The following MAP2K5 variants were observed in gnomAD, a reference collection of about 807,000 sequenced individuals.
MAP2K5 encodes mitogen-activated protein kinase kinase 5, also known as dual specificity mitogen-activated protein kinase kinase 5.
In MAP2K5, 49 loss-of-function variants were observed where a neutral mutation model predicts 83.1. The ratio of observed to expected loss-of-function variants is 0.59; its 90% CI spans 0.47 to 0.75. MAP2K5 has a LOEUF of 0.75. MAP2K5 is among the 30% of genes least tolerant of loss of function. The pLI is 0.00. For missense variants in MAP2K5, 457 were observed against 557.5 expected (o/e 0.82, Z 1.82); for synonymous variants, 202 against 191.8 (o/e 1.05, Z -0.44).
intron 1 of MAP2K5, among the ~76,000 whole-genome samples, chr15:67,547,564 T>A (rs1298090272): frequency 1.3e-5 from 2 of 151,550 alleles, no homozygotes; most frequent in Admixed American, 1.3e-4. Context: ...CAGGTGATTC[T>A]CCTGCTTTAG....
intron 8 of MAP2K5, among the ~76,000 whole-genome samples, chr15:67,623,288 A>G (rs750612038): frequency 6.6e-6 from 1 of 152,214 alleles, no homozygotes; most frequent in Non-Finnish European, 1.5e-5. Flanking sequence ...GAATAAACTT[A>G]TAGTAGTGGG....
chr15:67,711,401 A>C (rs2088689016), intron 16 of MAP2K5, among the ~76,000 whole-genome samples: 1 of 152,266 alleles, frequency 6.6e-6, no homozygotes. Context: ...AGCCTAAGCT[A>C]TAGAACCTTC....
intron 1 of MAP2K5, among the ~76,000 whole-genome samples, chr15:67,545,041 C>T (rs945578448): frequency 1.3e-5 from 2 of 152,202 alleles, no homozygotes; most frequent in Admixed American, 6.5e-5. Context: ...TCTCTCTTCA[C>T]GGCCCCATAA....
At chr15:67,767,851 T>A (rs1240801863) in intron 19 of MAP2K5, among the ~76,000 whole-genome samples, 1 of 152,222 alleles carries the variant, frequency 6.6e-6, no homozygotes, top group East Asian at 1.9e-4. Flanking sequence ...GTGTAATCCT[T>A]TGAACTTGGC....
chr15:67,767,909 ACC>A (rs2090070965), intron 19 of MAP2K5, among the ~76,000 whole-genome samples: 1 of 151,784 alleles, frequency 6.6e-6, no homozygotes, highest in African/African-American at 2.4e-5. Context: ...TTTCCTCTTA[ACC>A]CTTCTCTACT....
rs1445776698 is a variant in MAP2K5 at position 67,561,334 on chromosome 15, A to C, written c.185-1949A>C. 1.3e-5 allele frequency among the ~76,000 whole-genome samples: 2 copies of C among 152,224 alleles called. No homozygotes were observed. The highest frequency in any genetic ancestry group is 3.8e-4 in the East Asian group (2 of 5,202). ...GAAAATATTAGTTTCTAGAACTTAT[A>C]TATAGACAGACTCCTTTCTTCTCTC... On this transcript the variant is annotated intron_variant, in intron 2 of 21. Coordinates refer to ENST00000178640, the MANE Select transcript of MAP2K5 (RefSeq NM_145160.3). The surrounding 1 kb of genome is among the most constrained non-coding windows in gnomAD (Gnocchi z 4.2).
intron 8 of MAP2K5, among the ~76,000 whole-genome samples, chr15:67,605,093 G>T (rs952024975): frequency 6.9e-6 from 1 of 145,958 alleles, no homozygotes; most frequent in Admixed American, 6.9e-5. Flanking sequence ...TCGCTCTGTC[G>T]CCAGGCTGGA....
intron 1 of MAP2K5, among the ~76,000 whole-genome samples, chr15:67,549,394 A>G (rs977714531): frequency 6.6e-6 from 1 of 152,202 alleles, no homozygotes; most frequent in East Asian, 1.9e-4. Flanking sequence ...GTAAAGGTTG[A>G]TAAGAACTGT....
intron 2 of MAP2K5, 94 bp downstream of exon 2, chr15:67,550,176 CAG>C: frequency 2.5e-5 from 23 of 915,692 alleles, no homozygotes; most frequent in East Asian, 7.2e-5. Flanking sequence ...CTGACAAAAA[CAG>C]ATTATTTATG....
Position 67,793,670 on chromosome 15 carries a change from G to T in MAP2K5, c.1243-12976G>T, listed in dbSNP as rs1481718613. On this transcript the variant is annotated intron_variant, in intron 21 of 21. Coordinates refer to ENST00000178640, the MANE Select transcript of MAP2K5 (RefSeq NM_145160.3). The surrounding 1 kb of genome is among the most constrained non-coding windows in gnomAD (Gnocchi z 4.6). ...TCCATATTCTTAGTCTGAGATAAGG[G>T]TGTCAAAGTATAGTGGTCTATAGAT... Among the ~76,000 whole-genome samples, 1 of 152,198 alleles carries T rather than the reference G, an allele frequency of 6.6e-6. No homozygotes were observed. Among genetic ancestry groups the T allele is most frequent in the East Asian group, 1.9e-4 (1 of 5,200 alleles).
chr15:67,693,898 C>G (rs995607353), intron 15 of MAP2K5, among the ~76,000 whole-genome samples: 4 of 152,000 alleles, frequency 2.6e-5, no homozygotes, highest in Admixed American at 1.3e-4. Flanking sequence ...TCAAGTATCC[C>G]CAAATGTCAG....
intron 2 of MAP2K5, among the ~76,000 whole-genome samples, chr15:67,556,857 T>C (rs1248635580): frequency 1.3e-5 from 2 of 152,200 alleles, no homozygotes; most frequent in Admixed American, 1.3e-4. Context: ...CCAGCCCTTG[T>C]TTTTCTTAAT....
chr15:67,591,205 C>T (rs144922746), intron 6 of MAP2K5, among the ~76,000 whole-genome samples: 2 of 151,636 alleles, frequency 1.3e-5, no homozygotes, highest in African/African-American at 4.8e-5. Context: ...ATTAGCCAGG[C>T]GTGATGGCAT....
intron 4 of MAP2K5, 130 bp from the exon 5 acceptor site, chr15:67,585,760 G>A (rs111349686): frequency 8.1e-6 from 6 of 744,236 alleles, no homozygotes; most frequent in African/African-American, 1.7e-5. Context: ...TTTGGGTCTT[G>A]GGAGCCACTT....
chr15:67,759,485 G>T (rs2141287521), intron 19 of MAP2K5, among the ~76,000 whole-genome samples: 1 of 151,938 alleles, frequency 6.6e-6, no homozygotes, highest in South Asian at 2.1e-4. Flanking sequence ...TCTTGAACCT[G>T]GGAGGTGGAG....
chr15:67,597,175 G>GA lies in MAP2K5; in HGVS notation c.481-3500dup, dbSNP rs949198849. On this transcript the variant is annotated intron_variant, in intron 7 of 21. Transcript: ENST00000178640. ...CAGTGTGAGATCTGTCTCAAAAAAA[G>GA]AAAAAAAAAAGAAAAAAAAAAACTA... Among the ~76,000 whole-genome samples the GA allele has an allele frequency of 9.4e-4, 93 of 98,722 alleles. 1 individual carries two copies. In the South Asian group the frequency reaches 0.016, roughly 17 times the overall value. The allele number at this position is 98,722 out of a possible 152,430, so 64.8% of individuals were successfully genotyped here.
rs1277498401 is a variant in MAP2K5, at chr15:67,764,205, C to T, written c.1135-5397C>T. 6.6e-6 allele frequency among the ~76,000 whole-genome samples: 1 copy of T among 152,146 alleles called. No individual in the cohort carries two copies. The highest frequency in any genetic ancestry group is 2.4e-5 in the African/African-American group (1 of 41,432). Reference sequence around the variant, plus strand: ...ACCTTGAGATATTTGAGAGGTTGTCCCATCTTCCTTTGCTTTACTGCCAGT... The same window carrying T: ...ACCTTGAGATATTTGAGAGGTTGTCTCATCTTCCTTTGCTTTACTGCCAGT... On this transcript the variant is annotated intron_variant, in intron 19 of 21. Coordinates refer to ENST00000178640, the MANE Select transcript of MAP2K5 (RefSeq NM_145160.3). The surrounding 1 kb of genome is among the most constrained non-coding windows in gnomAD (Gnocchi z 4.9).
intron 16 of MAP2K5, among the ~76,000 whole-genome samples, chr15:67,714,994 T>C (rs2141231629): frequency 6.6e-6 from 1 of 152,304 alleles, no homozygotes. Context: ...AAGTTTTTGC[T>C]GAGGACCATC....
intron 4 of MAP2K5, among the ~76,000 whole-genome samples, chr15:67,581,205 C>T (rs1452067150): frequency 2.0e-5 from 3 of 152,090 alleles, no homozygotes; most frequent in Non-Finnish European, 4.4e-5. Flanking sequence ...TCAGTTAGCA[C>T]AGAAGCGAAG....
Sources: gnomAD v4.1 joint callset for allele counts (sites outside exome capture counted in the v4.1 genomes callset) on GRCh38, gnomAD v4.1.1 for gene constraint, Gnocchi (gnomAD v3.1) non-coding constraint, MANE v1.5 for transcripts, NCBI Gene and HGNC (gene_info 2026-07-23, HGNC 2026-07-21) for gene names.